The following EXOC4 variants were observed in gnomAD, a reference collection of about 807,000 sequenced individuals.
EXOC4 encodes the protein exocyst complex component 4, also known as SEC8-like 1.
A neutral mutation model predicts 107.2 loss-of-function variants in EXOC4; 71 were observed. The observed-to-expected ratio is 0.66, with a 90% CI of 0.55 to 0.81. The LOEUF (loss-of-function observed/expected upper bound fraction) is 0.81. EXOC4 is among the 30% of genes least tolerant of loss of function. EXOC4 has a pLI of 0.00. For synonymous variants in EXOC4, 456 were observed against 441.2 expected (o/e 1.03, Z -0.42); for missense variants, 1,108 against 1,189.6 (o/e 0.93, Z 1.01).
chr7:133,699,089 A>G (rs772328091), intron 10 of EXOC4, among the ~76,000 whole-genome samples: 12 of 152,218 alleles, frequency 7.9e-5, no homozygotes, highest in Non-Finnish European at 1.3e-4. Flanking sequence ...ATTAAAATAC[A>G]CAGTAAAGAG....
intron 10 of EXOC4, among the ~76,000 whole-genome samples, chr7:133,775,981 A>G (rs775813267): frequency 6.6e-6 from 1 of 152,206 alleles, no homozygotes; most frequent in Non-Finnish European, 1.5e-5. Flanking sequence ...TTTTACTTAT[A>G]GTCTTAATAG....
chr7:134,063,406 C>T (rs144587430), intron 17 of EXOC4, among the ~76,000 whole-genome samples: 3 of 152,252 alleles, frequency 2.0e-5, no homozygotes, highest in Non-Finnish European at 4.4e-5. Flanking sequence ...GTCAAGTGTC[C>T]GTGAAAAAAC....
intron 17 of EXOC4, among the ~76,000 whole-genome samples, chr7:134,027,244 G>T (rs1268860531): frequency 6.6e-6 from 1 of 152,072 alleles, no homozygotes; most frequent in Non-Finnish European, 1.5e-5. Context: ...AATTAATTTG[G>T]TTCTACTCTC....
chr7:134,095,625 A>G, the EXOC4 span, among the ~76,000 whole-genome samples: 2 of 152,150 alleles, frequency 1.3e-5, no homozygotes, highest in Admixed American at 6.6e-5. Flanking sequence ...AAACAAACAC[A>G]TACACCAATG....
intron 10 of EXOC4, among the ~76,000 whole-genome samples, chr7:133,716,863 C>T (rs1795008461): frequency 6.6e-6 from 1 of 152,124 alleles, no homozygotes; most frequent in African/African-American, 2.4e-5. Flanking sequence ...TCACTAGAAC[C>T]TGGGAGGCAG....
At chr7:133,507,029 A>T (rs923732258) in intron 9 of EXOC4, among the ~76,000 whole-genome samples, 1 of 152,114 alleles carries the variant, frequency 6.6e-6, no homozygotes, top group Non-Finnish European at 1.5e-5. Context: ...GGGGACAAAG[A>T]TGATTTTTCT....
intron 10 of EXOC4, chr7:133,732,944 G>T: frequency 6.3e-6 from 1 of 158,830 alleles, no homozygotes; most frequent in South Asian, 1.7e-4. Flanking sequence ...CCATTTTTTT[G>T]ACCATGGAAC....
At chr7:133,534,777 T>A (rs1040787306) in intron 9 of EXOC4, among the ~76,000 whole-genome samples, 4 of 152,184 alleles carry the variant, frequency 2.6e-5, no homozygotes, top group Non-Finnish European at 4.4e-5. Context: ...CATATTTTCC[T>A]TTGGTCTCAT....
chr7:133,411,187 C>A (rs1797347210), intron 7 of EXOC4, among the ~76,000 whole-genome samples: 1 of 152,156 alleles, frequency 6.6e-6, no homozygotes, highest in Non-Finnish European at 1.5e-5. Flanking sequence ...AAGTATCCAT[C>A]TTTTGTATCA....
chr7:133,681,339 C>T (rs940217234), intron 10 of EXOC4, among the ~76,000 whole-genome samples: 2 of 151,550 alleles, frequency 1.3e-5, no homozygotes, highest in African/African-American at 4.9e-5. Flanking sequence ...GGCATTTCAG[C>T]ACCAGATATC....
At chr7:133,507,338 A>C (rs778841529) in intron 9 of EXOC4, among the ~76,000 whole-genome samples, 2 of 152,228 alleles carry the variant, frequency 1.3e-5, no homozygotes, top group Non-Finnish European at 2.9e-5. Context: ...TTTTGTTACT[A>C]AGTAGCAACA....
chr7:133,308,005 A>G (rs1298246813), intron 4 of EXOC4, among the ~76,000 whole-genome samples: 1 of 152,250 alleles, frequency 6.6e-6, no homozygotes, highest in Non-Finnish European at 1.5e-5. Flanking sequence ...TAACAGAGCT[A>G]ACTAAAACAT....
rs146491050 is a variant in EXOC4 at position 133,261,971 on chromosome 7, G to A, written c.86+8784G>A. Among the ~76,000 whole-genome samples the A allele has an allele frequency of 1.9e-4, 29 of 152,110 alleles. 3 individuals are homozygous for A. The highest frequency in any genetic ancestry group is 7.0e-4 in the African/African-American group (29 of 41,488). ...ACCCTCTACAGATCTGCAGACTTCC[G>A]TGTGCTGCAGCTCTTTCCCATCTCC... On this transcript the variant is annotated intron_variant, in intron 1 of 17. Transcript: ENST00000253861.
intron 7 of EXOC4, among the ~76,000 whole-genome samples, chr7:133,431,594 C>T (rs1797857676): frequency 6.6e-6 from 1 of 152,156 alleles, no homozygotes; most frequent in African/African-American, 2.4e-5. Flanking sequence ...TTTTATCAGC[C>T]TTTCCTCCTT....
intron 4 of EXOC4, among the ~76,000 whole-genome samples, chr7:133,312,102 C>T (rs1794886012): frequency 6.6e-6 from 1 of 151,980 alleles, no homozygotes; most frequent in South Asian, 2.1e-4. Flanking sequence ...ATATATGTAA[C>T]AAGATATTCA....
At chr7:133,359,823 G>GT (rs869121361) in intron 6 of EXOC4, among the ~76,000 whole-genome samples, 4 of 152,070 alleles carry the variant, frequency 2.6e-5, no homozygotes, top group African/African-American at 9.7e-5. Flanking sequence ...TTCCCAGCCA[G>GT]TTTTTTAAAA....
intron 10 of EXOC4, among the ~76,000 whole-genome samples, chr7:133,656,524 T>A (rs892261993): frequency 6.6e-5 from 10 of 152,054 alleles, no homozygotes. Flanking sequence ...GTGATCCTAT[T>A]AAGGTAATAA....
chr7:134,081,793 G>A, the EXOC4 span, among the ~76,000 whole-genome samples: 1 of 152,146 alleles, frequency 6.6e-6, no homozygotes, highest in African/African-American at 2.4e-5. Flanking sequence ...AGCAGGTTTG[G>A]AGGTGAAGGG....
intron 9 of EXOC4, among the ~76,000 whole-genome samples, chr7:133,602,208 T>A (rs941677125): frequency 1.3e-5 from 2 of 152,182 alleles, no homozygotes; most frequent in African/African-American, 4.8e-5. Flanking sequence ...CTAAATTGAG[T>A]CCAGCATGAT....
Sources: allele counts gnomAD v4.1 joint callset (sites outside exome capture counted in the v4.1 genomes callset), GRCh38; gene constraint gnomAD v4.1.1; transcripts MANE v1.5; gene names NCBI Gene and HGNC (gene_info 2026-07-23, HGNC 2026-07-21).